The following ZNF33B variants were observed in gnomAD, a reference collection of about 807,000 sequenced individuals.
ZNF33B encodes zinc finger protein 33B, also known as zinc finger protein 11b (KOX 2).
Under a neutral mutation model 45.8 loss-of-function variants are expected in ZNF33B, and 29 were observed. The observed-to-expected ratio is 0.63, with a 90% CI of 0.47 to 0.86. The LOEUF is 0.86. Among genes scored for constraint, ZNF33B ranks in the 40% least tolerant of loss-of-function variants. The pLI is 0.00. For missense variants in ZNF33B, 831 were observed against 909.9 expected, an observed-to-expected ratio of 0.91 and a Z score of 1.12; for synonymous variants, 305 against 307.8, an observed-to-expected ratio of 0.99 and a Z score of 0.10.
At chr10:42,633,738 C>T (rs1303020854) in intron 2 of ZNF33B, among the ~76,000 whole-genome samples, 1 of 152,076 alleles carries the variant, frequency 6.6e-6, no homozygotes, top group East Asian at 1.9e-4. Context: ...GAGGCCGAGG[C>T]GGGTGGATCA....
intron 3 of ZNF33B, 122 bp downstream of exon 3, chr10:42,632,173 A>G (rs1049907972): frequency 1.3e-6 from 2 of 1,498,386 alleles, no homozygotes; most frequent in African/African-American, 2.8e-5. Flanking sequence ...TGCTCAATCA[A>G]CACTGACTCC....
At chr10:42,616,632 A>G (rs1349199193) in intron 4 of ZNF33B, among the ~76,000 whole-genome samples, 1 of 152,204 alleles carries the variant, frequency 6.6e-6, no homozygotes, top group Non-Finnish European at 1.5e-5. Flanking sequence ...GAGATCCAGC[A>G]TCTCTCATAT....
rs780333789 is a variant in ZNF33B at position 42,592,945 on chromosome 10, C to T, written c.2005G>A (p.Glu669Lys). 49 of 1,613,732 alleles carry T rather than the reference C, an allele frequency of 3.0e-5. No individual in the cohort carries two copies. In the Admixed American group the frequency reaches 5.3e-4, roughly 18 times the overall value. Residue 669 changes from glutamate (E) to lysine (K), a missense_variant, in exon 5 of 5, where the codon GAA becomes AAA. Physicochemically the swap from Glu to Lys is moderately conservative, Grantham distance 56. Coordinates refer to ENST00000359467, the MANE Select transcript of ZNF33B (RefSeq NM_006955.3). ...HTQEKPYKCN[E>K]CGKSFCVKSG... ...TTCACACAGAAAGATTTTCCACATTCGTTACATTTATAAGGCTTTTCTTGT... is the reference window on the plus strand; with the variant it reads ...TTCACACAGAAAGATTTTCCACATTTGTTACATTTATAAGGCTTTTCTTGT...
At chr10:42,595,319 T>C (rs1288047234) in intron 4 of ZNF33B, among the ~76,000 whole-genome samples, 1 of 152,110 alleles carries the variant, frequency 6.6e-6, no homozygotes, top group African/African-American at 2.4e-5. Context: ...TTCACATAGA[T>C]TAAAGCTCAG....
chr10:42,598,647 G>A (rs573573305), intron 4 of ZNF33B, among the ~76,000 whole-genome samples: 14 of 152,294 alleles, frequency 9.2e-5, no homozygotes, highest in African/African-American at 2.6e-4. Context: ...GTGTAGCAAC[G>A]TGTGACTGCA....
At position 42,593,988 on chromosome 10, in the gene ZNF33B, T is replaced by C; in HGVS notation, c.962A>G (p.Lys321Arg). Residue 321 changes from lysine to arginine, a missense_variant, in exon 5 of 5, where the codon AAA (lysine) becomes AGA (arginine). Physicochemically the swap from Lys to Arg is conservative, Grantham distance 26 (BLOSUM62 2). Coordinates refer to ENST00000359467, the MANE Select transcript of ZNF33B (RefSeq NM_006955.3). ...AAAGTGTTTCTCTCCTTTATCACCT[T>C]TCTGAAGCTGTGACAGACACAATTT... ...RRKLCLSQLQKGDKGEKHFEC... is the reference protein window; with the variant it reads ...RRKLCLSQLQRGDKGEKHFEC... The C allele has an allele frequency of 6.2e-7, 1 of 1,614,110 alleles. No individual in the cohort carries two copies. Among genetic ancestry groups the C allele is most frequent in the Non-Finnish European group, 8.5e-7 (1 of 1,179,972 alleles).
intron 4 of ZNF33B, among the ~76,000 whole-genome samples, chr10:42,595,553 C>T (rs1176129110): frequency 6.6e-6 from 1 of 152,118 alleles, no homozygotes; most frequent in Non-Finnish European, 1.5e-5. Context: ...ACCCCAACCT[C>T]CAGTGTGACT....
intron 1 of ZNF33B, among the ~76,000 whole-genome samples, chr10:42,578,252 A>T (rs1836776861): frequency 6.6e-6 from 1 of 152,230 alleles, no homozygotes; most frequent in Admixed American, 6.5e-5. Flanking sequence ...TGGTTGGCCA[A>T]AAATTTGCAT....
intron 1 of ZNF33B, among the ~76,000 whole-genome samples, chr10:42,580,520 G>C (rs971121634): frequency 3.3e-5 from 5 of 151,968 alleles, no homozygotes; most frequent in African/African-American, 1.2e-4. Flanking sequence ...TTACAGGAGT[G>C]AGCCACTGTG....
Position 42,593,977 on chromosome 10 carries a change from C to T in ZNF33B, c.973G>A (p.Gly325Arg), listed in dbSNP as rs146943550. 6.2e-7 allele frequency: 1 copy of T among 1,613,964 alleles called. No individual in the cohort carries two copies. Among genetic ancestry groups the T allele is most frequent in the African/African-American group, 1.3e-5 (1 of 74,898 alleles). ...TCATTACATTCAAAGTGTTTCTCTCCTTTATCACCTTTCTGAAGCTGTGAC... is the reference window on the plus strand; with the variant it reads ...TCATTACATTCAAAGTGTTTCTCTCTTTTATCACCTTTCTGAAGCTGTGAC... ...CLSQLQKGDK[G>R]EKHFECNECG... Residue 325 changes from glycine (G) to arginine (R), a missense_variant, in exon 5 of 5, where the codon GGA (glycine) becomes AGA (arginine). By Grantham distance (125) the Gly-to-Arg change is moderately radical. Transcript: ENST00000359467.
At chr10:42,619,593 A>G (rs1446518990) in intron 4 of ZNF33B, among the ~76,000 whole-genome samples, 1 of 152,260 alleles carries the variant, frequency 6.6e-6, no homozygotes, top group Non-Finnish European at 1.5e-5. Context: ...TATAAAAGCC[A>G]GGGTCATTAT....
chr10:42,594,811 T>G, intron 4 of ZNF33B, 112 bp from the exon 5 acceptor site: 3 of 1,198,254 alleles, frequency 2.5e-6, no homozygotes, highest in Non-Finnish European at 3.3e-6. Flanking sequence ...TTTGGCCAAT[T>G]TCCAGAGATG....
intron 4 of ZNF33B, among the ~76,000 whole-genome samples, chr10:42,601,252 T>C (rs1193916627): frequency 1.3e-5 from 2 of 152,202 alleles, no homozygotes; most frequent in Non-Finnish European, 2.9e-5. Context: ...CTGGTTATGA[T>C]TCATGTGGCT....
At chr10:42,637,039 T>G in intron 1 of ZNF33B, 67 bp from the exon 2 acceptor site, 2 of 1,539,958 alleles carry the variant, frequency 1.3e-6, no homozygotes, top group Non-Finnish European at 1.8e-6. Context: ...CGGATTCTTC[T>G]GCCCTAAGAA....
chr10:42,636,496 A>G (rs564779127), intron 2 of ZNF33B, among the ~76,000 whole-genome samples: 1 of 152,250 alleles, frequency 6.6e-6, no homozygotes, highest in African/African-American at 2.4e-5. Context: ...GGGAAGTTCA[A>G]TTTTTATCTA....
downstream of ZNF33B, chr10:42,588,999 G>A: frequency 6.0e-6 from 1 of 166,730 alleles, no homozygotes; most frequent in Non-Finnish European, 1.2e-5. Context: ...AATATATCAA[G>A]GATGTATAAA....
intron 4 of ZNF33B, among the ~76,000 whole-genome samples, chr10:42,603,594 AT>A (rs1202085898): frequency 2.0e-5 from 3 of 152,246 alleles, no homozygotes; most frequent in African/African-American, 7.2e-5. Context: ...GAATGGCAAC[AT>A]AAAAAGCAAA....
intron 4 of ZNF33B, among the ~76,000 whole-genome samples, chr10:42,609,612 AC>A (rs1838019543): frequency 6.6e-6 from 1 of 152,210 alleles, no homozygotes; most frequent in African/African-American, 2.4e-5. Flanking sequence ...CCAAAATCAG[AC>A]ATGAAAAAAC....
In ZNF33B at chr10:42,594,690, G is replaced by A; in HGVS notation, c.260C>T (p.Thr87Ile). 1 of 1,562,540 alleles carries A rather than the reference G, an allele frequency of 6.4e-7. No homozygotes were observed. Among genetic ancestry groups the A allele is most frequent in the Non-Finnish European group, 8.6e-7 (1 of 1,161,106 alleles). Residue 87 changes from threonine (T) to isoleucine (I), a missense_variant, in exon 5 of 5, where the codon ACA becomes ATA. Physicochemically the swap from Thr to Ile is moderately conservative, Grantham distance 89. Coordinates refer to ENST00000359467, the MANE Select transcript of ZNF33B (RefSeq NM_006955.3). ...FPSQSFPEVW[T>I]ADHLKERSQE... The stretch of plus-strand genomic sequence containing the variant: ...GCTCCTCTCTTTCAGGTGATCAGCT[G>A]TCCAGACTTCTACAAACAAACAAAA...
Sources: gnomAD v4.1 joint callset for allele counts (sites outside exome capture counted in the v4.1 genomes callset) on GRCh38, gnomAD v4.1.1 for gene constraint, MANE v1.5 for transcripts, NCBI Gene and HGNC (gene_info 2026-07-23, HGNC 2026-07-21) for gene names.